WT1: variants seen among roughly 807,000 people sequenced by gnomAD.
The protein encoded by WT1 is WT1 transcription factor.
In WT1, 8 loss-of-function variants were observed where a neutral mutation model predicts 60.8. That is an observed-to-expected ratio of 0.13 (90% CI 0.08 to 0.24). WT1 has a LOEUF of 0.24. WT1 is among the 10% of genes least tolerant of loss of function. The probability of loss-of-function intolerance (pLI) is 1.00; values close to 1 mark genes in which losing one functional copy is unlikely to be tolerated. For synonymous variants in WT1, 312 were observed against 297.1 expected, an observed-to-expected ratio of 1.05 and a Z score of -0.52; for missense variants, 568 against 711.8, an observed-to-expected ratio of 0.80 and a Z score of 2.30.
rs72893517 is a variant in WT1 at position 32,430,375 on chromosome 11, G to C, written c.662-1756C>G. Among the ~76,000 whole-genome samples the C allele has an allele frequency of 0.31, 46,085 of 149,928 alleles. 9,588 individuals are homozygous for C. Among genetic ancestry groups the C allele is most frequent in the African/African-American group, 0.59 (23,965 of 40,466 alleles). The stretch of plus-strand genomic sequence containing the variant: ...CAGGGCACCCACTATTGCCCGGAGT[G>C]AAGGCCGAATTTCTGAAAGGACACT... On this transcript the variant is annotated intron_variant, in intron 1 of 9. Transcript: ENST00000452863.
intron 5 of WT1, 129 bp from the exon 6 acceptor site, chr11:32,400,173 C>T: frequency 8.7e-7 from 1 of 1,146,700 alleles, no homozygotes; most frequent in Non-Finnish European, 1.3e-6. Flanking sequence ...TTTTTGCCTC[C>T]CTCCATGGGG....
chr11:32,395,543 C>G (rs1163396443), intron 7 of WT1, among the ~76,000 whole-genome samples: 1 of 151,362 alleles, frequency 6.6e-6, no homozygotes, highest in Non-Finnish European at 1.5e-5. Context: ...AAGATCTCAG[C>G]TCACTGCAAC....
rs58549495 is a variant in WT1, at chr11:32,388,003, AACACAC to A, written c.*1049_*1054del. 51,533 of 228,348 alleles carry A rather than the reference AACACAC, an allele frequency of 0.23. 4,603 individuals are homozygous for A. Among genetic ancestry groups the A allele is most frequent in the East Asian group, 0.5 (8,283 of 16,438 alleles). 14.1% of individuals were successfully genotyped at this position (228,348 alleles called of 1,614,324 possible). A position where few individuals can be genotyped will look rare whatever the true frequency, so the allele number is the denominator to read the frequency against. On this transcript the variant is annotated 3_prime_UTR_variant, in exon 10 of 10. Coordinates refer to ENST00000452863, the MANE Select transcript of WT1 (RefSeq NM_024426.6). ...TCCCTTAAAAAACAAAACACAACAC[AACACAC>A]ACACACACACACACACACACACACA... is the stretch of plus-strand genomic sequence containing the variant.
chr11:32,404,124 G>T (rs1038383617), intron 5 of WT1, among the ~76,000 whole-genome samples: 3 of 151,750 alleles, frequency 2.0e-5, no homozygotes, highest in African/African-American at 7.3e-5. Flanking sequence ...ACAAAAATTA[G>T]TTGGGCATGG....
intron 1 of WT1, among the ~76,000 whole-genome samples, chr11:32,431,379 C>G (rs10742277): frequency 0.54 from 81,016 of 151,158 alleles, 24,568 homozygotes; most frequent in African/African-American, 0.81. Flanking sequence ...CTAATCATGC[C>G]TTAGGGTTCT....
At chr11:32,430,594 TG>T (rs1428835560) in intron 1 of WT1, 1 of 1,597,348 alleles carries the variant, frequency 6.3e-7, no homozygotes, top group Non-Finnish European at 8.5e-7. Context: ...CTCAGAGCCC[TG>T]CTCCGCAACT....
At chr11:32,427,779 A>T (rs936700538) in intron 3 of WT1, among the ~76,000 whole-genome samples, 177 bp downstream of exon 3, 1 of 152,262 alleles carries the variant, frequency 6.6e-6, no homozygotes, top group Admixed American at 6.5e-5. Context: ...CTCAGAGACC[A>T]GGGAGATCAG....
intron 5 of WT1, among the ~76,000 whole-genome samples, chr11:32,411,764 G>C (rs900590814): frequency 6.6e-6 from 1 of 152,220 alleles, no homozygotes; most frequent in Non-Finnish European, 1.5e-5. Flanking sequence ...CACTAAGTGA[G>C]AGGGACACAG....
intron 3 of WT1, among the ~76,000 whole-genome samples, chr11:32,425,787 C>T (rs1227443486): frequency 6.6e-6 from 1 of 151,958 alleles, no homozygotes; most frequent in Non-Finnish European, 1.5e-5. Flanking sequence ...ATAACAGGAC[C>T]AAAGAAAGTT....
At position 32,435,180 on chromosome 11, in the gene WT1, G is replaced by C. The variant is rs2234581; in HGVS notation, c.181C>G (p.Arg61Gly). 6.6e-7 allele frequency: 1 copy of C among 1,521,772 alleles called. No individual in the cohort carries two copies. The highest frequency in any genetic ancestry group is 8.8e-7 in the Non-Finnish European group (1 of 1,140,094). The allele number at this position is 1,521,772 out of a possible 1,614,324, so 94.3% of individuals were successfully genotyped here. A position where few individuals can be genotyped will look rare whatever the true frequency, so the allele number is the denominator to read the frequency against. Reference sequence around the variant, plus strand: ...GACCCGGACGCCCCGCGGCTCCTCCGGCCCTGGAGACGTTCAGCGCTGGCC... The same window carrying C: ...GACCCGGACGCCCCGCGGCTCCTCCCGCCCTGGAGACGTTCAGCGCTGGCC... The change falls in exon 1 of 10, where the codon CGG becomes GGG. Residue 61 changes from arginine (R) to glycine (G), a missense_variant. Around this residue, in one of 3 missense-constraint regions of WT1, gnomAD observed 523 missense variants for 565.1 expected, o/e 0.93. Transcript: ENST00000452863.
chr11:32,428,161 C>T, intron 2 of WT1, 103 bp from the exon 3 acceptor site: 1 of 1,128,588 alleles, frequency 8.9e-7, no homozygotes, highest in Non-Finnish European at 1.3e-6. Context: ...GAGCCTGGGG[C>T]ACTGGGGCCT....
At position 32,407,754 on chromosome 11, in the gene WT1, C is replaced by A. The variant is rs1006593593; in HGVS notation, c.1017-7710G>T. On this transcript the variant is annotated intron_variant, in intron 5 of 9. Transcript: ENST00000452863. ...AAACCCCGCTGCAAGCCTTGAGAAC[C>A]ATCACCCCCTTGTTTAAGGATCTAT... Among the ~76,000 whole-genome samples, 82 of 152,140 alleles carry A rather than the reference C, an allele frequency of 5.4e-4. 1 individual carries two copies. The highest frequency in any genetic ancestry group is 5.4e-3 in the Admixed American group (82 of 15,272).
intron 5 of WT1, among the ~76,000 whole-genome samples, chr11:32,412,290 T>G (rs1245255777): frequency 1.3e-5 from 2 of 152,184 alleles, no homozygotes; most frequent in Non-Finnish European, 2.9e-5. Flanking sequence ...GAGTCTTTTT[T>G]GTTTTTCCTC....
Position 32,429,473 on chromosome 11 carries a change from C to A in WT1, c.662-854G>T, listed in dbSNP as rs1035525866. Among the ~76,000 whole-genome samples the A allele has an allele frequency of 8.2e-5, 12 of 146,160 alleles. No individual in the cohort carries two copies. The South Asian group carries it at 1.6e-3, about 19-fold the overall frequency. On this transcript the variant is annotated intron_variant, in intron 1 of 9. Transcript: ENST00000452863. ...GGAAATCCTAGCATTCCCCCCCCCC[C>A]CCAAAGTGAGAAAAAGAGCGTGGAG... is the stretch of plus-strand genomic sequence containing the variant.
chr11:32,402,262 A>T (rs1332520355), intron 5 of WT1, among the ~76,000 whole-genome samples: 1 of 152,248 alleles, frequency 6.6e-6, no homozygotes, highest in Non-Finnish European at 1.5e-5. Flanking sequence ...CCCCAGGGTC[A>T]AACCTGCAAA....
chr11:32,400,032 C>T lies in WT1; in HGVS notation c.1029G>A (p.Gly343=), dbSNP rs752102247. 1.2e-6 allele frequency: 2 copies of T among 1,614,096 alleles called. No homozygotes were observed. Among genetic ancestry groups the T allele is most frequent in the African/African-American group, 1.3e-5 (1 of 74,934 alleles). The change falls in exon 6 of 10, where the codon GGG becomes GGA. Residue 343 remains glycine (G), a synonymous_variant. Coordinates refer to ENST00000452863, the MANE Select transcript of WT1 (RefSeq NM_024426.6). ...GCGTTGTGTGGTTATCGCTCTCGTA[C>T]CCTGTGCTGTGGCTGCAAACACAAA...
At chr11:32,424,160 C>CAAAAAAAAAA (rs10690035) in intron 3 of WT1, among the ~76,000 whole-genome samples, 1 of 92,232 alleles carries the variant, frequency 1.1e-5, no homozygotes, top group African/African-American at 4.5e-5. Context: ...GATGCCATCT[C>CAAAAAAAAAA]AAAAAAAAAA....
chr11:32,420,265 T>C (rs1181158357), intron 3 of WT1, among the ~76,000 whole-genome samples: 2 of 152,224 alleles, frequency 1.3e-5, no homozygotes, highest in African/African-American at 4.8e-5. Context: ...TGTGTTATGT[T>C]TCTATTGGAC....
chr11:32,424,086 C>T (rs111832087), intron 3 of WT1, among the ~76,000 whole-genome samples: 6,976 of 147,960 alleles, frequency 0.047, 216 homozygotes, highest in Non-Finnish European at 0.075. Flanking sequence ...CTCTTGAACC[C>T]GGCAGGCAGA....
Sources: allele counts gnomAD v4.1 joint callset (sites outside exome capture counted in the v4.1 genomes callset), GRCh38; gene constraint gnomAD v4.1.1; regional missense constraint gnomAD v4.1.1; transcripts MANE v1.5; gene names NCBI Gene and HGNC (gene_info 2026-07-23, HGNC 2026-07-21).